Variants in FOXN3 observed in about 807,000 individuals in gnomAD.
FOXN3 encodes forkhead box protein N3.
A neutral mutation model predicts 38.4 loss-of-function variants in FOXN3; 7 were observed. The observed-to-expected ratio is 0.18, with a 90% CI of 0.10 to 0.34. The LOEUF (loss-of-function observed/expected upper bound fraction) is 0.34, where lower values mean the gene tolerates loss of function less well. Ranked by LOEUF, FOXN3 falls within the 10% of genes least tolerant of loss-of-function variation. The pLI, the probability that FOXN3 is intolerant of heterozygous loss-of-function variation, is 1.00. For missense variants in FOXN3, 456 were observed against 613.4 expected, an observed-to-expected ratio of 0.74 and a Z score of 2.71; for synonymous variants, 230 against 242.2, an observed-to-expected ratio of 0.95 and a Z score of 0.47.
intron 4 of FOXN3, among the ~76,000 whole-genome samples, chr14:89,244,001 A>G (rs538139103): frequency 6.6e-6 from 1 of 152,334 alleles, no homozygotes; most frequent in African/African-American, 2.4e-5. Flanking sequence ...AGAAAAGCTC[A>G]TTGCACTGAT....
At chr14:89,347,479 T>C (rs1314828223) in intron 3 of FOXN3, among the ~76,000 whole-genome samples, 2 of 152,272 alleles carry the variant, frequency 1.3e-5, no homozygotes, top group African/African-American at 4.8e-5. Context: ...TGCCGACACA[T>C]TGGTCTCGGA....
intron 1 of FOXN3, among the ~76,000 whole-genome samples, chr14:89,615,094 A>C (rs1896467184): frequency 1.4e-5 from 2 of 147,960 alleles, no homozygotes; most frequent in South Asian, 4.3e-4. Context: ...AACTGGATTT[A>C]GCCAACCCAT....
intron 4 of FOXN3, among the ~76,000 whole-genome samples, chr14:89,240,759 T>C (rs574348384): frequency 6.6e-6 from 1 of 152,346 alleles, no homozygotes; most frequent in Non-Finnish European, 1.5e-5. Context: ...TCACTATATA[T>C]CTTTTGGTAT....
At chr14:89,605,105 A>T (rs1896242764) in intron 1 of FOXN3, among the ~76,000 whole-genome samples, 1 of 152,204 alleles carries the variant, frequency 6.6e-6, no homozygotes, top group South Asian at 2.1e-4. Context: ...TGTAGTAAAC[A>T]CATGGGTAAA....
intron 3 of FOXN3, among the ~76,000 whole-genome samples, chr14:89,287,125 C>T (rs1048045924): frequency 6.6e-6 from 1 of 152,082 alleles, no homozygotes; most frequent in African/African-American, 2.4e-5. Context: ...GCTTTCTAGA[C>T]TGCAAAAATC....
chr14:89,457,927 T>C (rs916411119), intron 1 of FOXN3, among the ~76,000 whole-genome samples: 7 of 151,460 alleles, frequency 4.6e-5, no homozygotes, highest in African/African-American at 7.3e-5. Flanking sequence ...GGCAGGAGAA[T>C]TGCTTGAACC....
intron 3 of FOXN3, chr14:89,290,937 C>A: frequency 3.2e-6 from 1 of 316,976 alleles, no homozygotes. Flanking sequence ...AAAGGTCAGG[C>A]CCTCAGGAGA....
intron 4 of FOXN3, among the ~76,000 whole-genome samples, chr14:89,243,582 A>C (rs761814086): frequency 7.9e-5 from 12 of 152,320 alleles, no homozygotes; most frequent in Non-Finnish European, 1.3e-4. Context: ...AATGATAGCC[A>C]ATGAGGCCAC....
intron 3 of FOXN3, among the ~76,000 whole-genome samples, chr14:89,285,962 A>G (rs1886617144): frequency 6.6e-6 from 1 of 150,584 alleles, no homozygotes; most frequent in African/African-American, 2.5e-5. Flanking sequence ...CAGCTCCTGG[A>G]CTCAAGCAAT....
At chr14:89,248,835 G>A (rs1885371015) in intron 4 of FOXN3, among the ~76,000 whole-genome samples, 1 of 152,154 alleles carries the variant, frequency 6.6e-6, no homozygotes. Flanking sequence ...CCATTCTAAT[G>A]GTTTAAACAG....
At chr14:89,427,089 C>G (rs1298002097) in intron 1 of FOXN3, among the ~76,000 whole-genome samples, 1 of 151,368 alleles carries the variant, frequency 6.6e-6, no homozygotes, top group South Asian at 2.1e-4. Context: ...ATTAGCCGGG[C>G]GCAGTGGTGG....
intron 1 of FOXN3, among the ~76,000 whole-genome samples, chr14:89,608,542 C>A (rs1896326247): frequency 6.6e-6 from 1 of 152,196 alleles, no homozygotes; most frequent in Non-Finnish European, 1.5e-5. Flanking sequence ...TCTTTGAAAA[C>A]CACTAGACTA....
intron 2 of FOXN3, among the ~76,000 whole-genome samples, chr14:89,411,138 G>A (rs1891533939): frequency 6.6e-6 from 1 of 152,152 alleles, no homozygotes; most frequent in Non-Finnish European, 1.5e-5. Context: ...TGTGAACTGT[G>A]TATGCAACGG....
intron 4 of FOXN3, among the ~76,000 whole-genome samples, chr14:89,223,740 G>T (rs1379253832): frequency 6.6e-6 from 1 of 152,202 alleles, no homozygotes; most frequent in African/African-American, 2.4e-5. Flanking sequence ...GTGGAAGTCA[G>T]GGGGAGAGGC....
intron 3 of FOXN3, among the ~76,000 whole-genome samples, chr14:89,284,207 A>C (rs1252684294): frequency 6.6e-6 from 1 of 151,918 alleles, no homozygotes; most frequent in Admixed American, 6.6e-5. Flanking sequence ...ATTGAGACGA[A>C]GTCTTGCTCT....
At chr14:89,598,051 G>A (rs1248952523) in intron 1 of FOXN3, among the ~76,000 whole-genome samples, 1 of 151,530 alleles carries the variant, frequency 6.6e-6, no homozygotes, top group Non-Finnish European at 1.5e-5. Context: ...TTCTTAGCTT[G>A]TTATTTATAC....
intron 1 of FOXN3, among the ~76,000 whole-genome samples, chr14:89,430,270 G>T (rs12589021): frequency 1.3e-5 from 2 of 151,982 alleles, no homozygotes; most frequent in South Asian, 2.1e-4. Flanking sequence ...ATTTCCTTTG[G>T]TTCTGGTGGA....
intron 1 of FOXN3, among the ~76,000 whole-genome samples, chr14:89,590,261 T>G (rs1895922884): frequency 6.6e-6 from 1 of 152,108 alleles, no homozygotes; most frequent in Non-Finnish European, 1.5e-5. Flanking sequence ...ACTGAAGACG[T>G]GCAAGTCATC....
At chr14:89,180,238 A>T (rs1887631008) in intron 5 of FOXN3, among the ~76,000 whole-genome samples, 1 of 152,184 alleles carries the variant, frequency 6.6e-6, no homozygotes, top group Non-Finnish European at 1.5e-5. Flanking sequence ...TAGACCACGT[A>T]CCAAAGCTCG....
Sources: gnomAD v4.1 joint callset for allele counts (sites outside exome capture counted in the v4.1 genomes callset) on GRCh38, gnomAD v4.1.1 for gene constraint, MANE v1.5 for transcripts, NCBI Gene and HGNC (gene_info 2026-07-23, HGNC 2026-07-21) for gene names.